The following XYLT1 variants were observed in gnomAD, a reference collection of about 807,000 sequenced individuals.
XYLT1 encodes the protein xylosyltransferase 1, also known as beta-D-xylosyltransferase 1.
In XYLT1, 36 loss-of-function variants were observed where a neutral mutation model predicts 91.3. The ratio of observed to expected loss-of-function variants is 0.39; its 90% CI spans 0.30 to 0.52. XYLT1 has a LOEUF of 0.52. XYLT1 is among the 20% of genes least tolerant of loss of function. XYLT1 has a pLI of 0.68. For missense variants in XYLT1, 1,242 were observed against 1,284.5 expected (o/e 0.97, Z 0.51); for synonymous variants, 588 against 532.0 (o/e 1.11, Z -1.45).
At position 17,388,706 on chromosome 16, in the gene XYLT1, C is replaced by T. The variant is rs148048156; in HGVS notation, c.364-30656G>A. Reference sequence around the variant, plus strand: ...TAAGGATCCTGAAGCATCTCAAAGGCTAGGCAAAAAGGAGTTTTCTTTTAA... The same window carrying T: ...TAAGGATCCTGAAGCATCTCAAAGGTTAGGCAAAAAGGAGTTTTCTTTTAA... On this transcript the variant is annotated intron_variant, in intron 1 of 11. Coordinates refer to ENST00000261381, the MANE Select transcript of XYLT1 (RefSeq NM_022166.4). 5.6e-3 allele frequency among the ~76,000 whole-genome samples: 848 copies of T among 152,100 alleles called. 6 individuals are homozygous for T. The highest frequency in any genetic ancestry group is 0.02 in the African/African-American group (815 of 41,498).
intron 1 of XYLT1, among the ~76,000 whole-genome samples, chr16:17,398,890 G>T (rs180773752): frequency 5.4e-4 from 72 of 132,894 alleles, no homozygotes; most frequent in African/African-American, 2.0e-3. Flanking sequence ...TGTCACCCAG[G>T]CTGGAGTGCA....
rs547671885 is a variant in XYLT1 at position 17,208,823 on chromosome 16, C to T, written c.914-8169G>A. On this transcript the variant is annotated intron_variant, in intron 3 of 11. Transcript: ENST00000261381. ...CACTGCAACCTCCACCTCCCGGGTT[C>T]AAGCGATTCTCCTGCCTCAGCCTCC... Among the ~76,000 whole-genome samples, 21 of 152,268 alleles carry T rather than the reference C, an allele frequency of 1.4e-4. No homozygotes were observed. The South Asian group carries it at 2.5e-3, about 18-fold the overall frequency.
At chr16:17,374,875 G>A (rs2035578234) in intron 1 of XYLT1, among the ~76,000 whole-genome samples, 1 of 152,102 alleles carries the variant, frequency 6.6e-6, no homozygotes, top group Non-Finnish European at 1.5e-5. Context: ...CTTCTGGCAT[G>A]TTTCCATTTA....
chr16:17,268,763 C>A (rs1292134382), intron 2 of XYLT1, among the ~76,000 whole-genome samples: 3 of 151,206 alleles, frequency 2.0e-5, no homozygotes, highest in Non-Finnish European at 1.5e-5. Flanking sequence ...ACCTCCGCTT[C>A]CCGGGTTCAA....
At chr16:17,109,166 T>G (rs1042687620) in intron 11 of XYLT1, 149 bp from the exon 12 acceptor site, 3 of 887,620 alleles carry the variant, frequency 3.4e-6, no homozygotes, top group Non-Finnish European at 3.1e-6. Flanking sequence ...CTTTTAGCAG[T>G]CCCATTTCAC....
chr16:17,282,338 G>T (rs1217829158), intron 2 of XYLT1, among the ~76,000 whole-genome samples: 1 of 152,186 alleles, frequency 6.6e-6, no homozygotes, highest in Admixed American at 6.5e-5. Context: ...GAATGGCGGG[G>T]GTGCTGACAG....
intron 2 of XYLT1, among the ~76,000 whole-genome samples, chr16:17,294,417 G>A (rs760558489): frequency 2.6e-5 from 4 of 152,166 alleles, no homozygotes; most frequent in South Asian, 4.1e-4. Flanking sequence ...AGCAGAGTGC[G>A]CATAACTAAA....
intron 2 of XYLT1, among the ~76,000 whole-genome samples, chr16:17,347,046 C>T (rs1435105301): frequency 1.3e-5 from 2 of 152,204 alleles, no homozygotes; most frequent in Admixed American, 6.5e-5. Context: ...ACTGCTACTC[C>T]CTCCTGCAGG....
chr16:17,124,770 C>T (rs1346734969), intron 10 of XYLT1, among the ~76,000 whole-genome samples: 3 of 145,754 alleles, frequency 2.1e-5, no homozygotes, highest in East Asian at 2.0e-4. Flanking sequence ...TCCCAAACTT[C>T]GTGAAGGCTT....
At chr16:17,283,793 T>C (rs999610291) in intron 2 of XYLT1, among the ~76,000 whole-genome samples, 1 of 152,204 alleles carries the variant, frequency 6.6e-6, no homozygotes, top group Non-Finnish European at 1.5e-5. Flanking sequence ...CCCATCACTA[T>C]TATCACATAG....
chr16:17,258,004 C>CCCCT (rs1411430476), intron 3 of XYLT1, among the ~76,000 whole-genome samples: 4 of 152,164 alleles, frequency 2.6e-5, no homozygotes, highest in African/African-American at 9.7e-5. Context: ...CTTCAGATGG[C>CCCCT]CCCTCCACTC....
chr16:17,278,087 A>G (rs919016690), intron 2 of XYLT1, among the ~76,000 whole-genome samples: 2 of 152,190 alleles, frequency 1.3e-5, no homozygotes, highest in African/African-American at 4.8e-5. Flanking sequence ...TAGTTCGGGT[A>G]GACAGTTTGC....
At chr16:17,309,834 G>GA (rs1478675558) in intron 2 of XYLT1, among the ~76,000 whole-genome samples, 2 of 152,128 alleles carry the variant, frequency 1.3e-5, no homozygotes, top group African/African-American at 4.8e-5. Flanking sequence ...CTTAGTGGTG[G>GA]AAAAATCATG....
chr16:17,123,716 A>G (rs902779273), intron 10 of XYLT1, among the ~76,000 whole-genome samples: 3 of 152,130 alleles, frequency 2.0e-5, no homozygotes, highest in Admixed American at 6.6e-5. Context: ...GCATAAGTCC[A>G]TTGTTTCTTT....
At chr16:17,290,636 G>C (rs150886483) in intron 2 of XYLT1, among the ~76,000 whole-genome samples, 36 of 152,274 alleles carry the variant, frequency 2.4e-4, no homozygotes, top group African/African-American at 8.2e-4. Flanking sequence ...CAAATGACAT[G>C]GGCTTTCTCT....
chr16:17,323,577 A>G lies in XYLT1; in HGVS notation c.402+34435T>C, dbSNP rs146449642. Reference sequence around the variant, plus strand: ...GGTAAACAGCAAATTATTTAACTAAAGCCAGTTATTTCGTCATCACGGTTC... The same window carrying G: ...GGTAAACAGCAAATTATTTAACTAAGGCCAGTTATTTCGTCATCACGGTTC... On this transcript the variant is annotated intron_variant, in intron 2 of 11. Coordinates refer to ENST00000261381, the MANE Select transcript of XYLT1 (RefSeq NM_022166.4). Among the ~76,000 whole-genome samples the G allele has an allele frequency of 2.7e-3, 405 of 152,310 alleles. 1 individual carries two copies. Among genetic ancestry groups the G allele is most frequent in the African/African-American group, 9.3e-3 (387 of 41,556 alleles).
intron 2 of XYLT1, among the ~76,000 whole-genome samples, chr16:17,296,992 T>A (rs1223425626): frequency 1.3e-5 from 2 of 152,172 alleles, no homozygotes; most frequent in Non-Finnish European, 2.9e-5. Flanking sequence ...TGGAAATGAA[T>A]GGAGAGGAGG....
chr16:17,231,863 C>T (rs538820962), intron 3 of XYLT1, among the ~76,000 whole-genome samples: 7 of 151,770 alleles, frequency 4.6e-5, no homozygotes, highest in South Asian at 2.1e-4. Flanking sequence ...GTCAGTAAGT[C>T]GTGGGTGAAT....
chr16:17,127,314 A>T (rs906208748), intron 10 of XYLT1, among the ~76,000 whole-genome samples: 10 of 152,192 alleles, frequency 6.6e-5, no homozygotes, highest in African/African-American at 2.4e-4. Flanking sequence ...CCCACTTCCT[A>T]GCAATCCAGA....
Sources: gnomAD v4.1 joint callset for allele counts (sites outside exome capture counted in the v4.1 genomes callset) on GRCh38, gnomAD v4.1.1 for gene constraint, MANE v1.5 for transcripts, NCBI Gene and HGNC (gene_info 2026-07-23, HGNC 2026-07-21) for gene names.